The following CSMD3 variants were observed in gnomAD, a reference collection of about 807,000 sequenced individuals.
CSMD3 encodes the protein CUB and sushi domain-containing protein 3.
CSMD3 carries 177 observed loss-of-function variants against 435.2 expected under a neutral mutation model. The ratio of observed to expected loss-of-function variants is 0.41; its 90% CI spans 0.36 to 0.46. CSMD3 has a LOEUF of 0.46. Ranked by LOEUF, CSMD3 falls within the 20% of genes least tolerant of loss-of-function variation. The pLI, the probability that CSMD3 is intolerant of heterozygous loss-of-function variation, is 0.34. For missense variants in CSMD3, 4,265 were observed against 4,504.6 expected, an observed-to-expected ratio of 0.95 and a Z score of 1.52; for synonymous variants, 1,656 against 1,520.5, an observed-to-expected ratio of 1.09 and a Z score of -2.07.
intron 34 of CSMD3, among the ~76,000 whole-genome samples, chr8:112,407,269 AT>A (rs1831942271): frequency 1.3e-5 from 2 of 152,026 alleles, no homozygotes; most frequent in African/African-American, 2.4e-5. Flanking sequence ...GGTAGAATAT[AT>A]GTCAGACAGA....
intron 59 of CSMD3, among the ~76,000 whole-genome samples, chr8:112,270,339 GGTGAGTGTGTGTGTGT>G (rs961182945): frequency 2.1e-5 from 2 of 96,268 alleles, no homozygotes; most frequent in African/African-American, 6.7e-5. Flanking sequence ...AAAACAGAGG[GGTGAGTGTGTGTGTGT>G]GTGTGTGTGT....
chr8:112,966,385 T>C (rs146734784), intron 7 of CSMD3, among the ~76,000 whole-genome samples: 9 of 151,652 alleles, frequency 5.9e-5, no homozygotes, highest in African/African-American at 2.2e-4. Flanking sequence ...AAGAAAACAA[T>C]GCTTAAAGAT....
chr8:113,315,899 A>C (rs1015069636), intron 1 of CSMD3, among the ~76,000 whole-genome samples: 6 of 151,734 alleles, frequency 4.0e-5, no homozygotes, highest in African/African-American at 1.5e-4. Context: ...TTGTATTTGT[A>C]GTTGAGACGG....
intron 17 of CSMD3, among the ~76,000 whole-genome samples, chr8:112,665,825 C>T (rs1357084510): frequency 1.3e-5 from 2 of 152,238 alleles, no homozygotes; most frequent in East Asian, 3.9e-4. Flanking sequence ...ACCATTACTA[C>T]ATACTACATG....
intron 30 of CSMD3, among the ~76,000 whole-genome samples, chr8:112,496,112 G>A (rs555942989): frequency 6.6e-6 from 1 of 152,076 alleles, no homozygotes; most frequent in South Asian, 2.1e-4. Context: ...TGGGACTACA[G>A]GAGCCCGCCA....
intron 13 of CSMD3, among the ~76,000 whole-genome samples, chr8:112,773,950 T>G (rs1030668455): frequency 2.4e-4 from 37 of 152,026 alleles, no homozygotes; most frequent in African/African-American, 8.4e-4. Flanking sequence ...CCTGAGGCAT[T>G]GTGAGGCTAG....
intron 1 of CSMD3, among the ~76,000 whole-genome samples, chr8:113,404,403 C>G (rs1052263836): frequency 3.3e-5 from 5 of 151,250 alleles, no homozygotes; most frequent in Admixed American, 1.3e-4. Context: ...GGAATTTTAT[C>G]CAGTTACAAG....
chr8:112,398,135 G>T (rs1030345294), intron 35 of CSMD3, among the ~76,000 whole-genome samples: 1 of 152,068 alleles, frequency 6.6e-6, no homozygotes, highest in South Asian at 2.1e-4. Flanking sequence ...TCTTAAGCAG[G>T]ACCAAAACCT....
chr8:113,331,220 A>G (rs945255658), intron 1 of CSMD3, among the ~76,000 whole-genome samples: 1 of 151,766 alleles, frequency 6.6e-6, no homozygotes. Flanking sequence ...AATTCCTAGA[A>G]TGACCCAAAC....
chr8:113,356,780 T>C lies in CSMD3; in HGVS notation c.179-41987A>G, dbSNP rs149776395. 3.0e-3 allele frequency among the ~76,000 whole-genome samples: 458 copies of C among 152,256 alleles called. 1 individual carries two copies. Among genetic ancestry groups the C allele is most frequent in the Middle Eastern group, 0.01 (3 of 294 alleles). On this transcript the variant is annotated intron_variant, in intron 1 of 70. Coordinates refer to ENST00000297405, the MANE Select transcript of CSMD3 (RefSeq NM_198123.2). ...AAACTTCTAAAACACATCTTGTGAGTGAAAGCTAATGACATCTACTTAGGA... is the reference window on the plus strand; with the variant it reads ...AAACTTCTAAAACACATCTTGTGAGCGAAAGCTAATGACATCTACTTAGGA...
intron 12 of CSMD3, among the ~76,000 whole-genome samples, chr8:112,829,472 T>A (rs2079798219): frequency 6.6e-6 from 1 of 152,168 alleles, no homozygotes; most frequent in Non-Finnish European, 1.5e-5. Context: ...GTTTACTGCA[T>A]GTTGTTAGAG....
chr8:112,249,380 C>G (rs1015774902), intron 63 of CSMD3, among the ~76,000 whole-genome samples: 9 of 152,134 alleles, frequency 5.9e-5, no homozygotes, highest in Admixed American at 3.9e-4. Flanking sequence ...TGAGTACCCC[C>G]CTCCAGAGTT....
intron 7 of CSMD3, among the ~76,000 whole-genome samples, chr8:112,975,105 C>A (rs1056837472): frequency 6.6e-6 from 1 of 151,508 alleles, no homozygotes; most frequent in African/African-American, 2.4e-5. Context: ...AATGTATTTT[C>A]TAGACTTCCT....
rs200181879 is a variant in CSMD3, at chr8:113,016,967, A to G, written c.1030+2100T>C. 2.4e-4 allele frequency among the ~76,000 whole-genome samples: 36 copies of G among 152,064 alleles called. 1 individual carries two copies. The East Asian group carries it at 6.4e-3, about 27-fold the overall frequency. On this transcript the variant is annotated intron_variant, in intron 6 of 70. Coordinates refer to ENST00000297405, the MANE Select transcript of CSMD3 (RefSeq NM_198123.2). ...TATTTTAAGGTAATGCAATCAGAAAAAGCAAGCCTAAATTAGGAAAGTTTT... is the reference window on the plus strand; with the variant it reads ...TATTTTAAGGTAATGCAATCAGAAAGAGCAAGCCTAAATTAGGAAAGTTTT...
chr8:112,321,626 G>T, intron 45 of CSMD3, among the ~76,000 whole-genome samples: 1 of 152,040 alleles, frequency 6.6e-6, no homozygotes, highest in East Asian at 1.9e-4. Flanking sequence ...ACAAAGAAAA[G>T]AAAGACTTTT....
In CSMD3 at chr8:112,417,730, T is replaced by C. The variant is rs191618713; in HGVS notation, c.5396-8698A>G. On this transcript the variant is annotated intron_variant, in intron 32 of 70. Transcript: ENST00000297405. ...AAAAAGGAAAATGTAATTATCAGCT[T>C]TCTTTTGGGGCTAAGAAAAGGGGAG... 1.9e-3 allele frequency among the ~76,000 whole-genome samples: 292 copies of C among 152,286 alleles called. 4 individuals are homozygous for C. The highest frequency in any genetic ancestry group is 5.3e-4 in the Non-Finnish European group (36 of 68,004).
chr8:112,362,720 A>G (rs551805044), intron 38 of CSMD3, among the ~76,000 whole-genome samples: 1 of 152,096 alleles, frequency 6.6e-6, no homozygotes, highest in Non-Finnish European at 1.5e-5. Flanking sequence ...AACAATTGCA[A>G]TAAATGAAGG....
intron 22 of CSMD3, among the ~76,000 whole-genome samples, chr8:112,618,508 G>C (rs1429820825): frequency 6.6e-6 from 1 of 151,998 alleles, no homozygotes; most frequent in East Asian, 1.9e-4. Context: ...TTCCTTCCAA[G>C]GAACTGTTTC....
intron 32 of CSMD3, among the ~76,000 whole-genome samples, chr8:112,455,967 T>G (rs1160666460): frequency 6.6e-6 from 1 of 152,054 alleles, no homozygotes; most frequent in Non-Finnish European, 1.5e-5. Flanking sequence ...ACAGCAAAAT[T>G]TTTTATTTAT....
Sources: gnomAD v4.1 joint callset for allele counts (sites outside exome capture counted in the v4.1 genomes callset) on GRCh38, gnomAD v4.1.1 for gene constraint, MANE v1.5 for transcripts, NCBI Gene and HGNC (gene_info 2026-07-23, HGNC 2026-07-21) for gene names.